PLCG2: variants seen among roughly 807,000 people sequenced by gnomAD.
PLCG2 encodes the protein phospholipase C gamma 2.
In PLCG2, 69 loss-of-function variants were observed where a neutral mutation model predicts 175.6. That is an observed-to-expected ratio of 0.39 (90% CI 0.32 to 0.48). PLCG2 has a LOEUF of 0.48. Ranked by LOEUF, PLCG2 falls within the 20% of genes least tolerant of loss-of-function variation. PLCG2 has a pLI of 0.91. For missense variants in PLCG2, 1,798 were observed against 1,650.9 expected (o/e 1.09, Z -1.54); for synonymous variants, 827 against 624.0 (o/e 1.33, Z -4.85).
rs534537335 is a variant in PLCG2, at chr16:81,958,220, T to A, written c.*222T>A. The A allele has an allele frequency of 4.6e-4, 252 of 550,066 alleles. 3 individuals carry two copies. In the South Asian group the frequency reaches 6.2e-3, roughly 13 times the overall value. 34.1% of individuals were successfully genotyped at this position (550,066 alleles called of 1,614,324 possible). A position where few individuals can be genotyped will look rare whatever the true frequency, so the allele number is the denominator to read the frequency against. On this transcript the variant is annotated 3_prime_UTR_variant, in exon 33 of 33. Transcript: ENST00000564138. The stretch of plus-strand genomic sequence containing the variant: ...CTTAACTTATATTCTTTATAGAGGA[T>A]TCCCCAAAATGTGCTCCTCATTTTT...
chr16:81,899,492 G>A lies in PLCG2; in HGVS notation c.1194-1120G>A, dbSNP rs916351812. Among the ~76,000 whole-genome samples the A allele has an allele frequency of 8.5e-5, 13 of 152,206 alleles. No individual in the cohort carries two copies. The South Asian group carries it at 1.9e-3, about 22-fold the overall frequency. On this transcript the variant is annotated intron_variant, in intron 13 of 32. Transcript: ENST00000564138. ...GCACTCTGAGGTCATTCTGAGACACGCACAAAGTGTGGGAAATGAGACTCA... is the reference window on the plus strand; with the variant it reads ...GCACTCTGAGGTCATTCTGAGACACACACAAAGTGTGGGAAATGAGACTCA...
At chr16:81,784,632 G>A (rs1435130878) in intron 1 of PLCG2, among the ~76,000 whole-genome samples, 1 of 152,110 alleles carries the variant, frequency 6.6e-6, no homozygotes, top group Admixed American at 6.5e-5. Flanking sequence ...AACAAATAAT[G>A]GTAATTTTAA....
At chr16:81,868,313 CT>C (rs34387550) in intron 5 of PLCG2, among the ~76,000 whole-genome samples, 34,185 of 152,124 alleles carry the variant, frequency 0.22, 4,044 homozygotes, top group South Asian at 0.27. Context: ...CTTCCCCTCC[CT>C]GGCCCTTAGT....
chr16:81,758,521 G>A (rs574646441), intron 2 of PLCG2, among the ~76,000 whole-genome samples: 1 of 152,226 alleles, frequency 6.6e-6, no homozygotes, highest in Non-Finnish European at 1.5e-5. Context: ...ACCTAGGAGT[G>A]GCCTTGCTGA....
intron 1 of PLCG2, among the ~76,000 whole-genome samples, chr16:81,784,649 C>T (rs1427629839): frequency 6.6e-6 from 1 of 152,174 alleles, no homozygotes; most frequent in African/African-American, 2.4e-5. Context: ...TTAACAATAG[C>T]TTAATCTAAG....
At chr16:81,935,657 C>T in intron 26 of PLCG2, 1 of 985,374 alleles carries the variant, frequency 1.0e-6, no homozygotes, top group Non-Finnish European at 1.2e-6. Flanking sequence ...GGCTATCCCA[C>T]CACAGCTGGA....
intron 6 of PLCG2, among the ~76,000 whole-genome samples, chr16:81,870,193 G>A (rs1907446796): frequency 6.6e-6 from 1 of 152,214 alleles, no homozygotes; most frequent in African/African-American, 2.4e-5. Flanking sequence ...TTGCTACACA[G>A]TTGCCATTTA....
chr16:81,804,642 A>G (rs1475527908), intron 2 of PLCG2, among the ~76,000 whole-genome samples: 2 of 152,242 alleles, frequency 1.3e-5, no homozygotes, highest in Admixed American at 1.3e-4. Flanking sequence ...GCGGTGAAGC[A>G]TAGCACAGAC....
At chr16:81,867,995 C>T (rs891485939) in intron 5 of PLCG2, among the ~76,000 whole-genome samples, 2 of 152,180 alleles carry the variant, frequency 1.3e-5, no homozygotes, top group East Asian at 1.9e-4. Context: ...CACCACCGTG[C>T]CTGGCCCTCG....
At position 81,784,301 on chromosome 16, in the gene PLCG2, CTGATTAATG is replaced by C. The variant is rs1567462019; in HGVS notation, c.-47-1641_-47-1633del. Reference sequence around the variant, plus strand: ...ATTTGATTAATGCCTTCCCCAATGGCTGATTAATGCTAACTGAGACCCTGGTAAATGCTG... The same window carrying C: ...ATTTGATTAATGCCTTCCCCAATGGCCTAACTGAGACCCTGGTAAATGCTG... On this transcript the variant is annotated intron_variant, in intron 1 of 32. Coordinates refer to ENST00000564138, the MANE Select transcript of PLCG2 (RefSeq NM_002661.5). 1.5e-4 allele frequency among the ~76,000 whole-genome samples: 23 copies of C among 152,338 alleles called. No homozygotes were observed. In the South Asian group the frequency reaches 4.6e-3, roughly 30 times the overall value.
rs772405739 is a variant in PLCG2, at chr16:81,869,208, T to G, written c.480-6T>G. 6.2e-7 allele frequency: 1 copy of G among 1,612,700 alleles called. No homozygotes were observed. Among genetic ancestry groups the G allele is most frequent in the East Asian group, 2.2e-5 (1 of 44,878 alleles). Reference sequence around the variant, plus strand: ...GGTGACAGAACTGGGTCTCCCTCTTTTGCAGCATCAGTCTCCGAGAGTTGA... The same window carrying G: ...GGTGACAGAACTGGGTCTCCCTCTTGTGCAGCATCAGTCTCCGAGAGTTGA... On this transcript the variant is annotated splice_region_variant and splice_polypyrimidine_tract_variant and intron_variant, in intron 5 of 32. Transcript: ENST00000564138.
At chr16:81,904,654 GTT>G (rs1457236579) in intron 14 of PLCG2, among the ~76,000 whole-genome samples, 50 of 152,322 alleles carry the variant, frequency 3.3e-4, no homozygotes, top group African/African-American at 1.1e-3. Context: ...CACAGGTGGT[GTT>G]GTTGTTTATT....
At chr16:81,769,061 A>G (rs1229571394) in intron 2 of PLCG2, among the ~76,000 whole-genome samples, 1 of 152,174 alleles carries the variant, frequency 6.6e-6, no homozygotes, top group Non-Finnish European at 1.5e-5. Context: ...GAGTCCATTC[A>G]TGGAATGAAT....
In PLCG2 at chr16:81,854,645, A is replaced by C. The variant is rs1906592367; in HGVS notation, c.337+58A>C. The C allele has an allele frequency of 4.6e-6, 7 of 1,515,742 alleles. No homozygotes were observed. In the South Asian group the frequency reaches 8.0e-5, roughly 17 times the overall value. The allele number at this position is 1,515,742 out of a possible 1,614,324, so 93.9% of individuals were successfully genotyped here. ...CTGTGCCTTAGTGTCTTCCTGAAGAAGTTCGCTAATAGCAGAATGCTCACC... is the reference window on the plus strand; with the variant it reads ...CTGTGCCTTAGTGTCTTCCTGAAGACGTTCGCTAATAGCAGAATGCTCACC... On this transcript the variant is annotated intron_variant, in intron 3 of 32. Transcript: ENST00000564138.
Position 81,923,506 on chromosome 16 carries a change from C to G in PLCG2, c.2329C>G (p.Leu777Val), listed in dbSNP as rs181588253. 6.2e-7 allele frequency: 1 copy of G among 1,612,392 alleles called. No homozygotes were observed. Among genetic ancestry groups the G allele is most frequent in the East Asian group, 2.2e-5 (1 of 44,876 alleles). Residue 777 changes from leucine to valine, a missense_variant, in exon 22 of 33, where the codon CTG becomes GTG. By Grantham distance (32) the Leu-to-Val change is conservative. Transcript: ENST00000564138. ...AAAGCCTCAGAGAACCGTGAAAGCT[C>G]TGTATGACTACAAAGCCAAGCGAAG... is the stretch of plus-strand genomic sequence containing the variant. ...PSMPQRTVKA[L>V]YDYKAKRSDE...
chr16:81,941,612 C>G (rs1005507183), intron 30 of PLCG2, among the ~76,000 whole-genome samples: 4 of 149,402 alleles, frequency 2.7e-5, no homozygotes, highest in African/African-American at 9.9e-5. Context: ...ATGAACATTG[C>G]TACTCTAGCA....
chr16:81,940,043 T>G lies in PLCG2; in HGVS notation c.3465T>G (p.Ile1155Met). Reference sequence around the variant, plus strand: ...TTCTTGCTCATGCCACTTACCCCATTAAAGCAGTCAAATCAGGTAAGAGGC... The same window carrying G: ...TTCTTGCTCATGCCACTTACCCCATGAAAGCAGTCAAATCAGGTAAGAGGC... ...PNFLAHATYP[I>M]KAVKSGFRSV... Residue 1155 changes from isoleucine (I) to methionine (M), a missense_variant, in exon 30 of 33, where the codon ATT (isoleucine) becomes ATG (methionine). Coordinates refer to ENST00000564138, the MANE Select transcript of PLCG2 (RefSeq NM_002661.5). The G allele has an allele frequency of 6.2e-7, 1 of 1,611,990 alleles. No individual in the cohort carries two copies. Among genetic ancestry groups the G allele is most frequent in the East Asian group, 2.2e-5 (1 of 44,832 alleles).
At chr16:81,946,413 C>G (rs1911151869) in intron 31 of PLCG2, 150 bp downstream of exon 31, 2 of 634,454 alleles carry the variant, frequency 3.2e-6, no homozygotes, top group Non-Finnish European at 5.8e-6. Flanking sequence ...TTCCTTTTTG[C>G]TAATTCCCCA....
intron 2 of PLCG2, among the ~76,000 whole-genome samples, chr16:81,819,741 T>A (rs1904714225): frequency 1.3e-5 from 2 of 152,148 alleles, no homozygotes; most frequent in Admixed American, 1.3e-4. Context: ...CCCACCACCA[T>A]GCCTGGCTAA....
Sources: allele counts gnomAD v4.1 joint callset (sites outside exome capture counted in the v4.1 genomes callset), GRCh38; gene constraint gnomAD v4.1.1; transcripts MANE v1.5; gene names NCBI Gene and HGNC (gene_info 2026-07-23, HGNC 2026-07-21).